CSMD1: variants seen among roughly 807,000 people sequenced by gnomAD.
The protein encoded by CSMD1 is CUB and Sushi multiple domains 1, also known as CUB and sushi domain-containing protein 1.
CSMD1 carries 213 observed loss-of-function variants against 417.5 expected under a neutral mutation model. That is an observed-to-expected ratio of 0.51 (90% CI 0.46 to 0.57). CSMD1 has a LOEUF of 0.57. Ranked by LOEUF, CSMD1 falls within the 20% of genes least tolerant of loss-of-function variation. The pLI, the probability that CSMD1 is intolerant of heterozygous loss-of-function variation, is 0.00. For synonymous variants in CSMD1, 2,862 were observed against 1,736.8 expected (o/e 1.65, Z -16.11); for missense variants, 6,923 against 4,529.7 (o/e 1.53, Z -15.17).
chr8:4,807,758 G>C (rs1798673978), intron 1 of CSMD1, among the ~76,000 whole-genome samples: 1 of 152,036 alleles, frequency 6.6e-6, no homozygotes, highest in Non-Finnish European at 1.5e-5. Flanking sequence ...TCATATCACA[G>C]TATGTAAACT....
At chr8:4,720,117 T>C (rs904321805) in intron 1 of CSMD1, among the ~76,000 whole-genome samples, 1 of 150,576 alleles carries the variant, frequency 6.6e-6, no homozygotes, top group African/African-American at 2.5e-5. Flanking sequence ...AATCTGTGGT[T>C]TGGAGTTTTT....
At chr8:3,010,652 T>A (rs1049383892) in intron 52 of CSMD1, among the ~76,000 whole-genome samples, 1 of 152,102 alleles carries the variant, frequency 6.6e-6, no homozygotes, top group African/African-American at 2.4e-5. Flanking sequence ...CCCCCACATC[T>A]ACTCTTCTGT....
chr8:4,019,059 C>G (rs556746839), intron 4 of CSMD1, among the ~76,000 whole-genome samples: 1 of 152,182 alleles, frequency 6.6e-6, no homozygotes, highest in Non-Finnish European at 1.5e-5. Flanking sequence ...GAGACAGATG[C>G]TACTCCATTT....
At chr8:4,032,414 A>C (rs1285613014) in intron 3 of CSMD1, among the ~76,000 whole-genome samples, 3 of 150,356 alleles carry the variant, frequency 2.0e-5, no homozygotes, top group Non-Finnish European at 3.0e-5. Flanking sequence ...AATTCTACTT[A>C]CTCCTATAGT....
chr8:4,282,214 CAG>C (rs1276512463), intron 3 of CSMD1, among the ~76,000 whole-genome samples: 1 of 152,078 alleles, frequency 6.6e-6, no homozygotes, highest in Non-Finnish European at 1.5e-5. Context: ...TGAAAATAAA[CAG>C]AAACATAAAA....
intron 5 of CSMD1, among the ~76,000 whole-genome samples, chr8:3,948,806 G>A (rs1811414011): frequency 6.7e-6 from 1 of 148,402 alleles, no homozygotes; most frequent in South Asian, 2.2e-4. Flanking sequence ...TTACTACCCA[G>A]TTATCATTTT....
intron 23 of CSMD1, among the ~76,000 whole-genome samples, chr8:3,331,248 A>G (rs1806876637): frequency 6.6e-6 from 1 of 152,020 alleles, no homozygotes; most frequent in Non-Finnish European, 1.5e-5. Flanking sequence ...AAAAAAAAAA[A>G]AAAAGAAAAG....
chr8:4,158,020 C>T (rs556869646), intron 3 of CSMD1, among the ~76,000 whole-genome samples: 3 of 152,180 alleles, frequency 2.0e-5, no homozygotes, highest in Admixed American at 6.5e-5. Flanking sequence ...CCCCCATACA[C>T]GGAACCAATG....
intron 7 of CSMD1, among the ~76,000 whole-genome samples, chr8:3,656,632 T>C (rs1303686299): frequency 6.6e-6 from 1 of 152,158 alleles, no homozygotes; most frequent in East Asian, 1.9e-4. Context: ...TGTCTTTCTA[T>C]TACAAAGGCT....
At chr8:3,893,503 A>G (rs114054977) in intron 5 of CSMD1, among the ~76,000 whole-genome samples, 39 of 151,836 alleles carry the variant, frequency 2.6e-4, no homozygotes, top group African/African-American at 9.2e-4. Context: ...ATTTATTACA[A>G]TTTTTGTTTT....
rs138747980 is a variant in CSMD1, at chr8:4,000,406, T to C, written c.611-2296A>G. ...TCAAAATTGTATTTTTGAACAGAGA[T>C]AAAAATCAGTACCATATAAAAATAA... On this transcript the variant is annotated intron_variant, in intron 4 of 69. Transcript: ENST00000635120. 4.3e-3 allele frequency among the ~76,000 whole-genome samples: 659 copies of C among 152,296 alleles called. 5 individuals carry two copies. Among genetic ancestry groups the C allele is most frequent in the African/African-American group, 0.015 (618 of 41,562 alleles).
chr8:3,371,495 T>A (rs993630358), intron 18 of CSMD1, among the ~76,000 whole-genome samples: 5 of 151,278 alleles, frequency 3.3e-5, no homozygotes, highest in African/African-American at 4.9e-5. Flanking sequence ...TTTTTTAACA[T>A]GCCCACATTC....
intron 10 of CSMD1, among the ~76,000 whole-genome samples, chr8:3,564,719 G>A (rs1429764939): frequency 1.3e-5 from 2 of 150,730 alleles, no homozygotes; most frequent in Admixed American, 6.6e-5. Context: ...GTGCCCTTGT[G>A]GCAGAAAAAC....
At chr8:4,828,008 G>T (rs73181581) in intron 1 of CSMD1, among the ~76,000 whole-genome samples, 2 of 152,076 alleles carry the variant, frequency 1.3e-5, no homozygotes, top group Non-Finnish European at 2.9e-5. Context: ...AATGCAAAAT[G>T]CATGTTATAT....
At chr8:3,238,829 G>C (rs58299047) in intron 26 of CSMD1, among the ~76,000 whole-genome samples, 10,826 of 152,262 alleles carry the variant, frequency 0.071, 493 homozygotes, top group East Asian at 0.23. Flanking sequence ...AGAGTGGCAG[G>C]TTGGGGATGG....
chr8:3,108,178 T>A (rs1176552200), intron 44 of CSMD1, among the ~76,000 whole-genome samples: 2 of 152,180 alleles, frequency 1.3e-5, no homozygotes, highest in Non-Finnish European at 1.5e-5. Flanking sequence ...GTGGCAGTGT[T>A]CGTGAGAGAT....
intron 5 of CSMD1, among the ~76,000 whole-genome samples, chr8:3,842,029 T>G (rs1803171369): frequency 6.6e-6 from 1 of 152,222 alleles, no homozygotes; most frequent in Non-Finnish European, 1.5e-5. Flanking sequence ...CTCCTTTCTT[T>G]CTAATGCATA....
At chr8:3,950,037 G>A (rs1196813081) in intron 5 of CSMD1, 11 of 455,488 alleles carry the variant, frequency 2.4e-5, no homozygotes, top group Non-Finnish European at 4.0e-5. Context: ...GTGCGTATTT[G>A]CTGTCACGCT....
intron 1 of CSMD1, among the ~76,000 whole-genome samples, chr8:4,690,778 G>C (rs556547327): frequency 1.3e-5 from 2 of 152,102 alleles, no homozygotes; most frequent in East Asian, 1.9e-4. Flanking sequence ...CACCAGGCTG[G>C]AGTTCACTGG....
Sources: gnomAD v4.1 joint callset for allele counts (sites outside exome capture counted in the v4.1 genomes callset) on GRCh38, gnomAD v4.1.1 for gene constraint, MANE v1.5 for transcripts, NCBI Gene and HGNC (gene_info 2026-07-23, HGNC 2026-07-21) for gene names.